The following SPTBN4 variants were observed in gnomAD, a reference collection of about 807,000 sequenced individuals.
SPTBN4 encodes the protein spectrin beta chain, non-erythrocytic 4.
In SPTBN4, 96 loss-of-function variants were observed where a neutral mutation model predicts 277.8. The ratio of observed to expected loss-of-function variants is 0.35; its 90% CI spans 0.29 to 0.41. The LOEUF is 0.41. Among genes scored for constraint, SPTBN4 ranks in the 10% least tolerant of loss-of-function variants. SPTBN4 has a pLI of 1.00. For missense variants in SPTBN4, 3,006 were observed against 3,595.7 expected (o/e 0.84, Z 4.19); for synonymous variants, 1,481 against 1,580.3 (o/e 0.94, Z 1.49).
intron 6 of SPTBN4, 127 bp from the exon 7 acceptor site, chr19:40,497,362 C>T: frequency 1.5e-6 from 1 of 684,684 alleles, no homozygotes. Context: ...CACAGCTTGC[C>T]CCTTGGCTAG....
rs781430619 is a variant in SPTBN4 at position 40,503,996 on chromosome 19, G to T, written c.1529G>T (p.Arg510Leu). The change falls in exon 12 of 36, where the codon CGT (arginine) becomes CTT (leucine). Residue 510 changes from arginine (R) to leucine (L), a missense_variant. Arg to Leu is a moderately radical substitution (Grantham distance 102, BLOSUM62 -2). Around this residue, in one of 5 missense-constraint regions of SPTBN4, gnomAD observed 1,759 missense variants for 2,061.5 expected, o/e 0.85. Coordinates refer to ENST00000598249, the MANE Select transcript of SPTBN4 (RefSeq NM_020971.3). ...YYDIRRVAAQ[R>L]DSVLRQWALL... ...GATATCCGGCGGGTGGCAGCCCAGC[G>T]TGACAGCGTCCTGCGCCAGTGGGCC... The T allele has an allele frequency of 6.2e-7, 1 of 1,614,006 alleles. No individual in the cohort carries two copies. The highest frequency in any genetic ancestry group is 8.5e-7 in the Non-Finnish European group (1 of 1,180,010).
chr19:40,487,021 T>G lies in SPTBN4; in HGVS notation c.170-676T>G, dbSNP rs189296811. Among the ~76,000 whole-genome samples, 143 of 146,456 alleles carry G rather than the reference T, an allele frequency of 9.8e-4. 1 individual carries two copies. The highest frequency in any genetic ancestry group is 3.5e-3 in the African/African-American group (133 of 37,958). ...AAGGCGTCACAGGTAGGAGGAGACATGACTGCTGAGGCTGGACTCTCTTTT... is the reference window on the plus strand; with the variant it reads ...AAGGCGTCACAGGTAGGAGGAGACAGGACTGCTGAGGCTGGACTCTCTTTT... On this transcript the variant is annotated intron_variant, in intron 2 of 35. Transcript: ENST00000598249.
intron 18 of SPTBN4, among the ~76,000 whole-genome samples, chr19:40,529,395 G>C (rs1314674607): frequency 6.6e-6 from 1 of 152,350 alleles, no homozygotes; most frequent in East Asian, 1.9e-4. Context: ...GGTCCCGCGG[G>C]GACGCGCGCT....
chr19:40,552,430 G>A (rs1278768226), intron 22 of SPTBN4, among the ~76,000 whole-genome samples: 1 of 135,046 alleles, frequency 7.4e-6, no homozygotes, highest in Admixed American at 8.1e-5. Context: ...AATACAGCCT[G>A]AGTGTCAAGA....
chr19:40,510,832 C>T (rs1428933246), intron 13 of SPTBN4, among the ~76,000 whole-genome samples: 4 of 151,742 alleles, frequency 2.6e-5, no homozygotes, highest in African/African-American at 4.8e-5. Flanking sequence ...GACCAGCCAG[C>T]GAGACTCTAT....
At chr19:40,544,998 C>T (rs1872736712) in intron 20 of SPTBN4, among the ~76,000 whole-genome samples, 1 of 151,688 alleles carries the variant, frequency 6.6e-6, no homozygotes, top group Non-Finnish European at 1.5e-5. Context: ...GAGGTTGCTT[C>T]CAGTTTTTTC....
In SPTBN4 at chr19:40,490,391, A is replaced by T. The variant is rs1400394455; in HGVS notation, c.495+143A>T. Reference sequence around the variant, plus strand: ...CCAGGTGTTAGGGATGAAAATAATGATAAAAATAATTGTCACGATCACCAC... The same window carrying T: ...CCAGGTGTTAGGGATGAAAATAATGTTAAAAATAATTGTCACGATCACCAC... On this transcript the variant is annotated intron_variant, in intron 4 of 35. Coordinates refer to ENST00000598249, the MANE Select transcript of SPTBN4 (RefSeq NM_020971.3). The surrounding 1 kb of genome is among the most constrained non-coding windows in gnomAD (Gnocchi z 4.3). The T allele has an allele frequency of 1.8e-6, 2 of 1,100,240 alleles. No homozygotes were observed. Among genetic ancestry groups the T allele is most frequent in the African/African-American group, 3.2e-5 (2 of 62,800 alleles). 68.2% of individuals were successfully genotyped at this position (1,100,240 alleles called of 1,614,324 possible).
chr19:40,492,762 A>G (rs1352988323), intron 4 of SPTBN4, among the ~76,000 whole-genome samples: 2 of 152,032 alleles, frequency 1.3e-5, no homozygotes, highest in Non-Finnish European at 2.9e-5. Flanking sequence ...CAGAGACCGA[A>G]GTCCTAACTG....
chr19:40,520,257 A>C, intron 16 of SPTBN4, 106 bp downstream of exon 16: 1 of 1,255,778 alleles, frequency 8.0e-7, no homozygotes, highest in South Asian at 2.3e-5. Flanking sequence ...TCCTGGGACC[A>C]CTGGGTTCTG....
At chr19:40,535,193 C>T (rs926785926) in intron 20 of SPTBN4, among the ~76,000 whole-genome samples, 1 of 151,870 alleles carries the variant, frequency 6.6e-6, no homozygotes, top group Non-Finnish European at 1.5e-5. Flanking sequence ...GTAGCTGAGA[C>T]CACAAGCGCA....
rs147653283 is a variant in SPTBN4 at position 40,487,182 on chromosome 19, A to G, written c.170-515A>G. On this transcript the variant is annotated intron_variant, in intron 2 of 35. Transcript: ENST00000598249. ...TCCCGAGTAGCTGGGATTAACAGGC[A>G]TGCACCACCATGCCCGGTTAAGTTT... is the stretch of plus-strand genomic sequence containing the variant. Among the ~76,000 whole-genome samples the G allele has an allele frequency of 4.6e-3, 693 of 151,300 alleles. 9 individuals carry two copies. The highest frequency in any genetic ancestry group is 0.016 in the African/African-American group (663 of 41,186).
At chr19:40,510,665 C>T (rs814530) in intron 13 of SPTBN4, among the ~76,000 whole-genome samples, 64,729 of 151,952 alleles carry the variant, frequency 0.43, 14,826 homozygotes, top group African/African-American at 0.61. Context: ...TCAACATCAG[C>T]GAATGTCCAG....
intron 27 of SPTBN4, among the ~76,000 whole-genome samples, chr19:40,561,664 A>G (rs939816475): frequency 3.3e-5 from 5 of 152,014 alleles, no homozygotes; most frequent in African/African-American, 7.2e-5. Context: ...TCTACTAAAA[A>G]TACAAAAATT....
At chr19:40,566,983 ACAAC>A (rs759933409) in intron 30 of SPTBN4, 110 of 268,468 alleles carry the variant, frequency 4.1e-4, no homozygotes, top group South Asian at 7.9e-4. Context: ...TAAAAAAAAA[ACAAC>A]AAAAAAAAAC....
chr19:40,506,186 G>A, intron 12 of SPTBN4, 50 bp from the exon 13 acceptor site: 1 of 1,557,748 alleles, frequency 6.4e-7, no homozygotes, highest in East Asian at 2.3e-5. Context: ...GGAGAGGTGA[G>A]TGGCCCAGGG....
Position 40,502,254 on chromosome 19 carries a change from A to G in SPTBN4, c.1024A>G (p.Ser342Gly), listed in dbSNP as rs368368624. The change falls in exon 9 of 36, where the codon AGT becomes GGT. Residue 342 changes from serine to glycine, a missense_variant. By Grantham distance (56) the Ser-to-Gly change is moderately conservative. Coordinates refer to ENST00000598249, the MANE Select transcript of SPTBN4 (RefSeq NM_020971.3). The surrounding 1 kb of genome is among the most constrained non-coding windows in gnomAD (Gnocchi z 4.9). ...ISNQKFANSLSGVQQQLQAFT... is the reference protein window; with the variant it reads ...ISNQKFANSLGGVQQQLQAFT... ...CAATCAGAAATTTGCCAACTCCTTAAGTGGGGTGCAGCAGCAACTCCAGGC... is the reference window on the plus strand; with the variant it reads ...CAATCAGAAATTTGCCAACTCCTTAGGTGGGGTGCAGCAGCAACTCCAGGC... 6.2e-7 allele frequency: 1 copy of G among 1,609,686 alleles called. No homozygotes were observed. The highest frequency in any genetic ancestry group is 1.3e-5 in the African/African-American group (1 of 74,660).
intron 14 of SPTBN4, among the ~76,000 whole-genome samples, 175 bp downstream of exon 14, chr19:40,513,729 C>T (rs1055088256): frequency 6.6e-6 from 1 of 152,202 alleles, no homozygotes; most frequent in African/African-American, 2.4e-5. Context: ...TGAACCTCAG[C>T]TTGCCCACCT....
In SPTBN4 at chr19:40,487,689, T is replaced by C; in HGVS notation, c.170-8T>C. On this transcript the variant is annotated splice_polypyrimidine_tract_variant and splice_region_variant and intron_variant, in intron 2 of 35. Coordinates refer to ENST00000598249, the MANE Select transcript of SPTBN4 (RefSeq NM_020971.3). ...GCGCCTGGGGGCTCATCAGGGCCTCTCCTCCAGATGAGCGGGAAGCCGTGC... is the reference window on the plus strand; with the variant it reads ...GCGCCTGGGGGCTCATCAGGGCCTCCCCTCCAGATGAGCGGGAAGCCGTGC... The C allele has an allele frequency of 6.2e-7, 1 of 1,608,716 alleles. No individual in the cohort carries two copies. Among genetic ancestry groups the C allele is most frequent in the Non-Finnish European group, 8.5e-7 (1 of 1,177,348 alleles).
chr19:40,487,472 A>C (rs996852626), intron 2 of SPTBN4, among the ~76,000 whole-genome samples: 1 of 148,622 alleles, frequency 6.7e-6, no homozygotes, highest in Non-Finnish European at 1.5e-5. Flanking sequence ...CAGCCTCTCC[A>C]GTAGCTGGGA....
Sources: gnomAD v4.1 joint callset for allele counts (sites outside exome capture counted in the v4.1 genomes callset) on GRCh38, gnomAD v4.1.1 for gene constraint, gnomAD v4.1.1 regional missense constraint, Gnocchi (gnomAD v3.1) non-coding constraint, MANE v1.5 for transcripts, NCBI Gene and HGNC (gene_info 2026-07-23, HGNC 2026-07-21) for gene names.